The following RAB3GAP2 variants were observed in gnomAD, a reference collection of about 807,000 sequenced individuals.
The protein encoded by RAB3GAP2 is RAB3 GTPase activating non-catalytic protein subunit 2.
Under a neutral mutation model 185.3 loss-of-function variants are expected in RAB3GAP2, and 87 were observed. The ratio of observed to expected loss-of-function variants is 0.47; its 90% CI spans 0.39 to 0.56. The LOEUF is 0.56. RAB3GAP2 is among the 20% of genes least tolerant of loss of function. The pLI, the probability that RAB3GAP2 is intolerant of heterozygous loss-of-function variation, is 0.00. For missense variants in RAB3GAP2, 1,492 were observed against 1,638.2 expected (o/e 0.91, Z 1.54); for synonymous variants, 554 against 576.1 (o/e 0.96, Z 0.55).
intron 1 of RAB3GAP2, chr1:220,267,035 A>G (rs1446806337): frequency 6.2e-7 from 1 of 1,611,636 alleles, no homozygotes; most frequent in African/African-American, 1.3e-5. Flanking sequence ...GGGGGCAGGT[A>G]GTCCAGGGTG....
At chr1:220,214,019 C>G in intron 2 of RAB3GAP2, 40 bp from the exon 3 acceptor site, 1 of 1,601,468 alleles carries the variant, frequency 6.2e-7, no homozygotes, top group African/African-American at 1.3e-5. Context: ...GCAAAAATAC[C>G]AAGAGTATTC....
intron 2 of RAB3GAP2, among the ~76,000 whole-genome samples, chr1:220,219,023 T>C (rs942287591): frequency 1.3e-5 from 2 of 152,246 alleles, no homozygotes; most frequent in African/African-American, 4.8e-5. Flanking sequence ...ATGTATTGTT[T>C]TAAGCTTAGC....
At position 220,202,350 on chromosome 1, in the gene RAB3GAP2, ATG is replaced by A; in HGVS notation, c.735_736del (p.Ile246ThrfsTer8). The A allele has an allele frequency of 6.2e-7, 1 of 1,613,866 alleles. No homozygotes were observed. The highest frequency in any genetic ancestry group is 8.5e-7 in the Non-Finnish European group (1 of 1,179,872). ...CTTATAAGCTAATGGTGGTGGTTGT[ATG>A]TTCTCATTGCCTGATGCTGCAGCTA... is the stretch of plus-strand genomic sequence containing the variant. On this transcript the variant is annotated frameshift_variant, in exon 9 of 35. Transcript: ENST00000358951. LOFTEE classifies it high-confidence loss of function.
At chr1:220,181,976 G>A (rs1294090912) in intron 21 of RAB3GAP2, among the ~76,000 whole-genome samples, 1 of 151,822 alleles carries the variant, frequency 6.6e-6, no homozygotes, top group Admixed American at 6.6e-5. Context: ...TGGGGCCACA[G>A]TGAGCGATGA....
intron 1 of RAB3GAP2, chr1:220,253,710 T>C (rs1659981019): frequency 1.2e-5 from 19 of 1,608,664 alleles, no homozygotes; most frequent in Non-Finnish European, 1.5e-5. Context: ...TACATTACAG[T>C]GGTTGGAATA....
At chr1:220,178,124 G>A (rs1257286416) in intron 21 of RAB3GAP2, among the ~76,000 whole-genome samples, 1 of 152,198 alleles carries the variant, frequency 6.6e-6, no homozygotes, top group Admixed American at 6.5e-5. Flanking sequence ...TACAGGCCAA[G>A]AGGGAGTGGG....
intron 1 of RAB3GAP2, among the ~76,000 whole-genome samples, chr1:220,248,309 T>C (rs1659857377): frequency 6.6e-6 from 1 of 152,176 alleles, no homozygotes; most frequent in Non-Finnish European, 1.5e-5. Context: ...ATATGGCTGA[T>C]AATACTGTAC....
chr1:220,267,361 G>T, intron 1 of RAB3GAP2: 1 of 1,183,748 alleles, frequency 8.4e-7, no homozygotes, highest in Non-Finnish European at 1.3e-6. Context: ...TTGGAGGTGG[G>T]ACTGTATTTC....
At chr1:220,266,225 A>C in intron 1 of RAB3GAP2, 1 of 190,798 alleles carries the variant, frequency 5.2e-6, no homozygotes, top group Non-Finnish European at 1.1e-5. Context: ...CTGTACAAAT[A>C]TCTTTATTTT....
At position 220,172,713 on chromosome 1, in the gene RAB3GAP2, C is replaced by G. The variant is rs746962559; in HGVS notation, c.2340G>C (p.Lys780Asn). Residue 780 changes from lysine to asparagine, a missense_variant, in exon 22 of 35, where the codon AAG (lysine) becomes AAC (asparagine). Physicochemically the swap from Lys to Asn is moderately conservative, Grantham distance 94. This residue lies in a region of RAB3GAP2 where 681 missense variants were observed against 689.1 expected (regional missense o/e 0.99). Transcript: ENST00000358951. ...GTGGTTTATCCAAAATATCCTTTTC[C>G]TTTGAAAGCCAAACACTCAGGAGCA... is the stretch of plus-strand genomic sequence containing the variant. ...LSLLLSVWLS[K>N]EKDILDKPQS... The G allele has an allele frequency of 1.2e-5, 20 of 1,612,584 alleles. No homozygotes were observed. The highest frequency in any genetic ancestry group is 1.4e-5 in the Non-Finnish European group (17 of 1,178,770).
intron 1 of RAB3GAP2, among the ~76,000 whole-genome samples, chr1:220,259,539 T>C (rs2667970): frequency 0.45 from 68,275 of 151,996 alleles, 17,155 homozygotes; most frequent in African/African-American, 0.68. Flanking sequence ...TGCCTAGCCA[T>C]ATGCAGATCA....
At chr1:220,244,332 GGAATATACTTAACC>G (rs1659757627) in intron 1 of RAB3GAP2, among the ~76,000 whole-genome samples, 1 of 151,978 alleles carries the variant, frequency 6.6e-6, no homozygotes, top group African/African-American at 2.4e-5. Flanking sequence ...AAAACACCTA[GGAATATACTTAACC>G]AAGAAGGCAG....
At chr1:220,200,642 G>A (rs1208273881) in intron 9 of RAB3GAP2, 2 of 526,100 alleles carry the variant, frequency 3.8e-6, no homozygotes, top group African/African-American at 3.9e-5. Flanking sequence ...AACAGAGCAG[G>A]GAAGCTACCC....
In RAB3GAP2 at chr1:220,171,066, C is replaced by T. The variant is rs749973790; in HGVS notation, c.2632G>A (p.Ala878Thr). Residue 878 changes from alanine (A) to threonine (T), a missense_variant, in exon 24 of 35, where the codon GCA (alanine) becomes ACA (threonine). This residue lies in a region of RAB3GAP2 where 681 missense variants were observed against 689.1 expected (regional missense o/e 0.99). Coordinates refer to ENST00000358951, the MANE Select transcript of RAB3GAP2 (RefSeq NM_012414.4). Reference protein sequence around the residue: ...DSEALTDSWEALSLDTEYWKL... With the variant: ...DSEALTDSWETLSLDTEYWKL... ...CAGTACTCAGTGTCAAGAGAAAGTG[C>T]CTCCCAGGAATCAGTGAGGGCCTCT... The T allele has an allele frequency of 1.2e-6, 2 of 1,614,144 alleles. No individual in the cohort carries two copies. The highest frequency in any genetic ancestry group is 1.7e-5 in the Admixed American group (1 of 60,018).
At chr1:220,223,928 C>T (rs889310109) in intron 2 of RAB3GAP2, among the ~76,000 whole-genome samples, 1 of 147,060 alleles carries the variant, frequency 6.8e-6, no homozygotes, top group Admixed American at 6.8e-5. Flanking sequence ...AAATTAGAGG[C>T]CTGGGAGGTC....
intron 18 of RAB3GAP2, 31 bp from the exon 19 acceptor site, chr1:220,184,194 A>G: frequency 6.4e-7 from 1 of 1,569,220 alleles, no homozygotes; most frequent in Non-Finnish European, 8.8e-7. Context: ...TATATATAAG[A>G]GATATATTTA....
At chr1:220,208,964 A>C (rs962235658) in intron 7 of RAB3GAP2, among the ~76,000 whole-genome samples, 2 of 152,062 alleles carry the variant, frequency 1.3e-5, no homozygotes, top group Admixed American at 1.3e-4. Flanking sequence ...CAATCCGCCC[A>C]CCTCGGGCTC....
Position 220,182,813 on chromosome 1 carries a change from C to T in RAB3GAP2, c.2117G>A (p.Gly706Asp), listed in dbSNP as rs775609069. 15 of 1,613,286 alleles carry T rather than the reference C, an allele frequency of 9.3e-6. No individual in the cohort carries two copies. The Admixed American group carries it at 2.3e-4, about 25-fold the overall frequency. Reference sequence around the variant, plus strand: ...CAAGAATGTTTTTACAGGCAACACACCATCTTTATCATCAGAAAATCGAAC... The same window carrying T: ...CAAGAATGTTTTTACAGGCAACACATCATCTTTATCATCAGAAAATCGAAC... ...TNVRFSDDKDGVLPVKTFLEY... is the reference protein window; with the variant it reads ...TNVRFSDDKDDVLPVKTFLEY... The change falls in exon 20 of 35, where the codon GGT becomes GAT. Residue 706 changes from glycine to aspartate, a missense_variant. Transcript: ENST00000358951.
At chr1:220,175,068 A>G (rs1170394954) in intron 21 of RAB3GAP2, among the ~76,000 whole-genome samples, 1 of 152,180 alleles carries the variant, frequency 6.6e-6, no homozygotes, top group African/African-American at 2.4e-5. Flanking sequence ...ATGTGCATGT[A>G]TACTGGGAAG....
Sources: allele counts gnomAD v4.1 joint callset (sites outside exome capture counted in the v4.1 genomes callset), GRCh38; gene constraint gnomAD v4.1.1; regional missense constraint gnomAD v4.1.1; transcripts MANE v1.5; gene names NCBI Gene and HGNC (gene_info 2026-07-23, HGNC 2026-07-21).